The following SCFD2 variants were observed in gnomAD, a reference collection of about 807,000 sequenced individuals.
SCFD2 encodes the protein sec1 family domain containing 2.
Under a neutral mutation model 58.9 loss-of-function variants are expected in SCFD2, and 54 were observed. The observed-to-expected ratio is 0.92, with a 90% CI of 0.74 to 1.15. SCFD2 has a LOEUF of 1.15. Ranked by LOEUF, SCFD2 falls within the 50% of genes most tolerant of loss-of-function variation. The probability of loss-of-function intolerance (pLI) is 0.00; values close to 1 mark genes in which losing one functional copy is unlikely to be tolerated. For synonymous variants in SCFD2, 321 were observed against 335.9 expected, an observed-to-expected ratio of 0.96 and a Z score of 0.49; for missense variants, 805 against 836.6, an observed-to-expected ratio of 0.96 and a Z score of 0.47.
intron 5 of SCFD2, among the ~76,000 whole-genome samples, chr4:53,125,150 A>C (rs1725589705): frequency 6.6e-6 from 1 of 152,212 alleles, no homozygotes; most frequent in Non-Finnish European, 1.5e-5. Flanking sequence ...TAAGAAAGGC[A>C]GTGACATATG....
chr4:53,320,515 G>T (rs1196571540), intron 2 of SCFD2, among the ~76,000 whole-genome samples: 1 of 152,192 alleles, frequency 6.6e-6, no homozygotes, highest in Non-Finnish European at 1.5e-5. Context: ...TACTCAGGAG[G>T]CTGAGGTAGG....
At chr4:52,971,955 C>A (rs12500786) in intron 5 of SCFD2, among the ~76,000 whole-genome samples, 1 of 151,948 alleles carries the variant, frequency 6.6e-6, no homozygotes. Context: ...CCTTTATAGA[C>A]AAGCAAATGC....
At chr4:53,345,865 C>T (rs1734040843) in intron 2 of SCFD2, among the ~76,000 whole-genome samples, 1 of 151,958 alleles carries the variant, frequency 6.6e-6, no homozygotes, top group South Asian at 2.1e-4. Context: ...CCAAACACCA[C>T]ATGTTTTCAC....
chr4:53,000,237 C>T (rs543418076), intron 5 of SCFD2, among the ~76,000 whole-genome samples: 20 of 152,300 alleles, frequency 1.3e-4, no homozygotes, highest in African/African-American at 3.6e-4. Context: ...GTACCTGGAA[C>T]GCCCATTAGG....
rs1158936161 is a variant in SCFD2, at chr4:52,888,126, G to A, written c.1843-2260C>T. ...GGGGTTTCACCTTGTTAGCCAGGAT[G>A]GTCTCGATCTCCTGACCTCATGATC... On this transcript the variant is annotated intron_variant, in intron 7 of 8. Transcript: ENST00000401642. Among the ~76,000 whole-genome samples the A allele has an allele frequency of 1.3e-5, 2 of 151,748 alleles. 1 individual carries two copies.
chr4:53,051,439 C>A (rs1723188895), intron 5 of SCFD2, among the ~76,000 whole-genome samples: 1 of 152,110 alleles, frequency 6.6e-6, no homozygotes, highest in South Asian at 2.1e-4. Flanking sequence ...ACTCTTTTCC[C>A]CAGCAGTATG....
intron 4 of SCFD2, among the ~76,000 whole-genome samples, chr4:53,157,179 C>G (rs1726714789): frequency 6.6e-6 from 1 of 152,158 alleles, no homozygotes; most frequent in Admixed American, 6.5e-5. Flanking sequence ...AATGTGTTGA[C>G]ATTTGGAACA....
At chr4:53,272,186 T>G (rs904512518) in intron 4 of SCFD2, among the ~76,000 whole-genome samples, 1 of 152,066 alleles carries the variant, frequency 6.6e-6, no homozygotes, top group Admixed American at 6.5e-5. Context: ...ATGGCGATCA[T>G]TAAAAAGTCA....
At chr4:53,335,214 C>CA (rs1733643231) in intron 2 of SCFD2, among the ~76,000 whole-genome samples, 1 of 86,198 alleles carries the variant, frequency 1.2e-5, no homozygotes. Flanking sequence ...AAAAAAAAAA[C>CA]AACAAAAAAA....
chr4:53,303,670 T>C (rs1732412656), intron 3 of SCFD2, among the ~76,000 whole-genome samples: 2 of 152,056 alleles, frequency 1.3e-5, no homozygotes, highest in African/African-American at 2.4e-5. Flanking sequence ...TATTGTGGCA[T>C]TATTCACAAT....
At chr4:53,302,179 A>G (rs1368781578) in intron 3 of SCFD2, among the ~76,000 whole-genome samples, 1 of 152,234 alleles carries the variant, frequency 6.6e-6, no homozygotes, top group Admixed American at 6.5e-5. Flanking sequence ...TTTGCAGATG[A>G]CATGATTGTA....
In SCFD2 at chr4:52,934,014, A is replaced by G. The variant is rs549302726; in HGVS notation, c.1562-13144T>C. Among the ~76,000 whole-genome samples, 156 of 152,330 alleles carry G rather than the reference A, an allele frequency of 1.0e-3. 1 individual carries two copies. Among genetic ancestry groups the G allele is most frequent in the Non-Finnish European group, 6.2e-4 (42 of 68,022 alleles). On this transcript the variant is annotated intron_variant, in intron 5 of 8. Coordinates refer to ENST00000401642, the MANE Select transcript of SCFD2 (RefSeq NM_152540.4). ...TTTGGAATTTCCAGTCTCCAGAACC[A>G]TAAATGGAATTTCCAGTCTTCAGAA... is the stretch of plus-strand genomic sequence containing the variant.
At chr4:52,939,999 A>T (rs983230524) in intron 5 of SCFD2, among the ~76,000 whole-genome samples, 3 of 152,166 alleles carry the variant, frequency 2.0e-5, no homozygotes, top group Admixed American at 6.5e-5. Flanking sequence ...AGGAATTCAA[A>T]CCCAAGCAGG....
chr4:53,093,830 A>G (rs1724541174), intron 5 of SCFD2, among the ~76,000 whole-genome samples: 2 of 152,064 alleles, frequency 1.3e-5, no homozygotes, highest in Admixed American at 1.3e-4. Context: ...AGCATCAGTC[A>G]TCTCCAGGAA....
At chr4:53,188,276 A>G (rs1485976309) in intron 4 of SCFD2, among the ~76,000 whole-genome samples, 1 of 152,212 alleles carries the variant, frequency 6.6e-6, no homozygotes, top group Non-Finnish European at 1.5e-5. Flanking sequence ...ATCTGTGTTT[A>G]CCCACGCTGT....
chr4:53,211,131 T>C (rs1441725115), intron 4 of SCFD2, among the ~76,000 whole-genome samples: 1 of 151,884 alleles, frequency 6.6e-6, no homozygotes, highest in African/African-American at 2.4e-5. Flanking sequence ...TAGTCCCAGC[T>C]ACTCTGAAGC....
At chr4:53,201,675 C>T (rs1235740649) in intron 4 of SCFD2, among the ~76,000 whole-genome samples, 4 of 152,292 alleles carry the variant, frequency 2.6e-5, no homozygotes, top group Non-Finnish European at 4.4e-5. Flanking sequence ...TCCACATCCT[C>T]TCCAGCACCT....
chr4:52,997,175 C>T (rs1456392142), intron 5 of SCFD2, among the ~76,000 whole-genome samples: 1 of 152,152 alleles, frequency 6.6e-6, no homozygotes, highest in South Asian at 2.1e-4. Flanking sequence ...AGGACTGAAC[C>T]CCTCTGCGCC....
chr4:52,970,301 A>G (rs908484366), intron 5 of SCFD2, among the ~76,000 whole-genome samples: 6 of 152,206 alleles, frequency 3.9e-5, no homozygotes, highest in African/African-American at 1.4e-4. Flanking sequence ...CACCTGGAAA[A>G]TCGGGTCACT....
Sources: gnomAD v4.1 joint callset for allele counts (sites outside exome capture counted in the v4.1 genomes callset) on GRCh38, gnomAD v4.1.1 for gene constraint, MANE v1.5 for transcripts, NCBI Gene and HGNC (gene_info 2026-07-23, HGNC 2026-07-21) for gene names.